The following LEF1 variants were observed in gnomAD, a reference collection of about 807,000 sequenced individuals.
The protein encoded by LEF1 is lymphoid enhancer-binding factor 1.
In LEF1, 14 loss-of-function variants were observed where a neutral mutation model predicts 51.2. The observed-to-expected ratio is 0.27, with a 90% CI of 0.18 to 0.43. LEF1 has a LOEUF of 0.43. Among genes scored for constraint, LEF1 ranks in the 20% least tolerant of loss-of-function variants. LEF1 has a pLI of 1.00. For missense variants in LEF1, 386 were observed against 512.0 expected (o/e 0.75, Z 2.37); for synonymous variants, 185 against 183.2 (o/e 1.01, Z -0.08).
Position 108,063,863 on chromosome 4 carries a change from G to A in LEF1, c.1166-200C>T, listed in dbSNP as rs542798086. Among the ~76,000 whole-genome samples, 8 of 152,290 alleles carry A rather than the reference G, an allele frequency of 5.3e-5. No individual in the cohort carries two copies. In the East Asian group the frequency reaches 1.3e-3, roughly 26 times the overall value. ...GGAAAATAAATGGGACCTCACTGAT[G>A]TCTTGAATTAATGTACAAGAAAGAC... is the stretch of plus-strand genomic sequence containing the variant. On this transcript the variant is annotated intron_variant, in intron 10 of 11. Transcript: ENST00000265165.
intron 3 of LEF1, among the ~76,000 whole-genome samples, chr4:108,110,594 A>C (rs1055091463): frequency 6.6e-6 from 1 of 152,142 alleles, no homozygotes; most frequent in Non-Finnish European, 1.5e-5. Flanking sequence ...TCAGGAAATC[A>C]CCACAGCTGA....
intron 3 of LEF1, among the ~76,000 whole-genome samples, chr4:108,139,519 C>G (rs1013182783): frequency 6.6e-6 from 1 of 152,166 alleles, no homozygotes; most frequent in African/African-American, 2.4e-5. Context: ...AGGTGCAGGC[C>G]GGGCTCCACA....
intron 9 of LEF1, among the ~76,000 whole-genome samples, chr4:108,069,381 T>C (rs1282067122): frequency 1.3e-5 from 2 of 152,174 alleles, no homozygotes; most frequent in Non-Finnish European, 2.9e-5. Flanking sequence ...ATAAAAGTCT[T>C]TGCCCTATCA....
intron 3 of LEF1, chr4:108,104,750 T>C (rs532964148): frequency 4.3e-6 from 4 of 923,590 alleles, no homozygotes; most frequent in Non-Finnish European, 5.2e-6. Context: ...AAAAGGGCTG[T>C]TATTAGTTTT....
At chr4:108,066,005 C>T (rs181221122) in intron 9 of LEF1, among the ~76,000 whole-genome samples, 11 of 152,084 alleles carry the variant, frequency 7.2e-5, no homozygotes, top group Admixed American at 2.0e-4. Context: ...CAGGTTCAAG[C>T]GATGTTCCTG....
At chr4:108,121,720 C>G (rs1469375404) in intron 3 of LEF1, among the ~76,000 whole-genome samples, 4 of 152,248 alleles carry the variant, frequency 2.6e-5, no homozygotes, top group Admixed American at 2.0e-4. Context: ...CCTGCCTGCA[C>G]TGTGCTACAA....
intron 3 of LEF1, among the ~76,000 whole-genome samples, chr4:108,120,911 T>G (rs550509019): frequency 3.9e-5 from 6 of 152,246 alleles, no homozygotes; most frequent in Non-Finnish European, 8.8e-5. Flanking sequence ...CTTAAAACAA[T>G]AGGCTCATTT....
intron 3 of LEF1, among the ~76,000 whole-genome samples, chr4:108,106,968 C>A (rs1327519432): frequency 1.3e-5 from 2 of 152,172 alleles, no homozygotes; most frequent in Admixed American, 6.5e-5. Context: ...AAAAATCAGA[C>A]AGCAGGTCAG....
In LEF1 at chr4:108,115,846, T is replaced by TACACACACACACACACACACACAC. The variant is rs55839332; in HGVS notation, c.415-26613_415-26590dup. Among the ~76,000 whole-genome samples the TACACACACACACACACACACACAC allele has an allele frequency of 2.2e-3, 312 of 139,368 alleles. 8 individuals are homozygous for TACACACACACACACACACACACAC. The highest frequency in any genetic ancestry group is 7.9e-3 in the African/African-American group (290 of 36,766). 91.4% of individuals were successfully genotyped at this position (139,368 alleles called of 152,430 possible). A position where few individuals can be genotyped will look rare whatever the true frequency, so the allele number is the denominator to read the frequency against. Reference sequence around the variant, plus strand: ...AAAGGTCTGCCTATAATGTAACACATACACACACACACACACACACACACA... The same window carrying TACACACACACACACACACACACAC: ...AAAGGTCTGCCTATAATGTAACACATACACACACACACACACACACACACACACACACACACACACACACACACA... On this transcript the variant is annotated intron_variant, in intron 3 of 11. Coordinates refer to ENST00000265165, the MANE Select transcript of LEF1 (RefSeq NM_016269.5).
At chr4:108,130,644 C>T (rs60354000) in intron 3 of LEF1, among the ~76,000 whole-genome samples, 8 of 151,540 alleles carry the variant, frequency 5.3e-5, no homozygotes, top group African/African-American at 1.9e-4. Flanking sequence ...GTGGGAGAAT[C>T]CTTTGAACCC....
intron 3 of LEF1, among the ~76,000 whole-genome samples, chr4:108,099,694 T>C (rs1448260689): frequency 6.7e-6 from 1 of 148,510 alleles, no homozygotes; most frequent in East Asian, 2.0e-4. Context: ...GCCCTGGTGG[T>C]TTGCCGCACC....
intron 3 of LEF1, among the ~76,000 whole-genome samples, chr4:108,153,953 T>A (rs985707741): frequency 5.3e-5 from 8 of 152,232 alleles, no homozygotes; most frequent in African/African-American, 7.2e-5. Flanking sequence ...TTTGTTTACC[T>A]ACATTTATAT....
intron 3 of LEF1, among the ~76,000 whole-genome samples, chr4:108,155,597 G>T (rs1371059677): frequency 6.6e-6 from 1 of 152,164 alleles, no homozygotes; most frequent in Non-Finnish European, 1.5e-5. Context: ...ACCAGGTGGG[G>T]CCCAAGGCAC....
At chr4:108,156,912 T>C (rs944464885) in intron 3 of LEF1, among the ~76,000 whole-genome samples, 1 of 151,946 alleles carries the variant, frequency 6.6e-6, no homozygotes, top group Non-Finnish European at 1.5e-5. Flanking sequence ...GTTATCTGGA[T>C]GATGGATACT....
chr4:108,163,644 C>G lies in LEF1; in HGVS notation c.338G>C (p.Gly113Ala). Residue 113 changes from glycine (G) to alanine (A), a missense_variant, in exon 3 of 12, where the codon GGG (glycine) becomes GCG (alanine). Physicochemically the swap from Gly to Ala is moderately conservative, Grantham distance 60. Transcript: ENST00000265165. ...NKGPSYSSYS[G>A]YIMMPNMNND... is the part of the protein sequence containing the mutation. ...ATTCATATTTGGCATCATTATGTAC[C>G]CGGAATAACTCGAGTAGGAGGGTCC... 1.2e-6 allele frequency: 2 copies of G among 1,613,712 alleles called. No individual in the cohort carries two copies. The highest frequency in any genetic ancestry group is 1.7e-6 in the Non-Finnish European group (2 of 1,179,748).
chr4:108,141,115 T>C (rs761311435), intron 3 of LEF1, among the ~76,000 whole-genome samples: 3 of 152,334 alleles, frequency 2.0e-5, no homozygotes, highest in East Asian at 3.9e-4. Context: ...AATCAGCAAG[T>C]GTAATAAACC....
chr4:108,083,337 G>A lies in LEF1; in HGVS notation c.638+19C>T. 1 of 1,512,948 alleles carries A rather than the reference G, an allele frequency of 6.6e-7. No homozygotes were observed. The highest frequency in any genetic ancestry group is 9.2e-7 in the Non-Finnish European group (1 of 1,087,804). The allele number at this position is 1,512,948 out of a possible 1,614,324, so 93.7% of individuals were successfully genotyped here. A position where few individuals can be genotyped will look rare whatever the true frequency, so the allele number is the denominator to read the frequency against. On this transcript the variant is annotated intron_variant, in intron 5 of 11. Coordinates refer to ENST00000265165, the MANE Select transcript of LEF1 (RefSeq NM_016269.5). ...CATGTGTTCAAATGCCTGGCTGAAG[G>A]GTGCAGCAAGGTTCTTACCAGCCAA...
chr4:108,157,436 C>T (rs921637881), intron 3 of LEF1, among the ~76,000 whole-genome samples: 2 of 152,030 alleles, frequency 1.3e-5, no homozygotes, highest in African/African-American at 4.8e-5. Context: ...TCAGGTGATC[C>T]ACCTGCCTCG....
intron 3 of LEF1, among the ~76,000 whole-genome samples, chr4:108,099,599 T>TAC (rs1740663735): frequency 8.2e-6 from 1 of 121,990 alleles, no homozygotes; most frequent in Non-Finnish European, 1.8e-5. Context: ...TATATATATA[T>TAC]ATATATATAT....
Sources: gnomAD v4.1 joint callset for allele counts (sites outside exome capture counted in the v4.1 genomes callset) on GRCh38, gnomAD v4.1.1 for gene constraint, MANE v1.5 for transcripts, NCBI Gene and HGNC (gene_info 2026-07-23, HGNC 2026-07-21) for gene names.